The following EPHA6 variants were observed in gnomAD, a reference collection of about 807,000 sequenced individuals.
EPHA6 encodes EPH receptor A6.
A neutral mutation model predicts 112.0 loss-of-function variants in EPHA6; 50 were observed. The observed-to-expected ratio is 0.45, with a 90% confidence interval of 0.36 to 0.56. EPHA6 has a LOEUF of 0.56. EPHA6 is among the 20% of genes least tolerant of loss of function. The pLI, the probability that EPHA6 is intolerant of heterozygous loss-of-function variation, is 0.00. For synonymous variants in EPHA6, 529 were observed against 490.7 expected (o/e 1.08, Z -1.03); for missense variants, 1,280 against 1,417.4 (o/e 0.90, Z 1.56).
chr3:97,187,249 AAT>A (rs2077165345), intron 3 of EPHA6, among the ~76,000 whole-genome samples: 1 of 152,114 alleles, frequency 6.6e-6, no homozygotes, highest in Non-Finnish European at 1.5e-5. Context: ...GAAAAATTAG[AAT>A]AATGTGATGG....
chr3:97,404,185 G>C (rs1435745294), intron 5 of EPHA6, among the ~76,000 whole-genome samples: 1 of 152,122 alleles, frequency 6.6e-6, no homozygotes, highest in Admixed American at 6.5e-5. Context: ...AAAAGCCAAA[G>C]TATAAATAAA....
intron 3 of EPHA6, among the ~76,000 whole-genome samples, chr3:96,988,888 A>G (rs72916495): frequency 0.013 from 1,998 of 152,236 alleles, 47 homozygotes; most frequent in African/African-American, 0.044. Context: ...TATGTAATTC[A>G]TTTTATGAAG....
chr3:97,522,824 G>A (rs539723766), intron 10 of EPHA6, among the ~76,000 whole-genome samples: 135 of 152,098 alleles, frequency 8.9e-4, no homozygotes, highest in African/African-American at 3.0e-3. Flanking sequence ...ATTTATAAGC[G>A]TAAAGTTGTT....
At chr3:97,490,244 T>C (rs1373169371) in intron 10 of EPHA6, among the ~76,000 whole-genome samples, 1 of 152,174 alleles carries the variant, frequency 6.6e-6, no homozygotes, top group Non-Finnish European at 1.5e-5. Context: ...AATTGCATAA[T>C]ATGTGCAAAT....
At chr3:97,053,867 G>A (rs934042737) in intron 3 of EPHA6, among the ~76,000 whole-genome samples, 6 of 151,922 alleles carry the variant, frequency 3.9e-5, no homozygotes, top group Non-Finnish European at 8.8e-5. Context: ...CTCTTTCAAA[G>A]CCCTGTATCT....
At chr3:97,121,064 T>C (rs1259515814) in intron 3 of EPHA6, among the ~76,000 whole-genome samples, 1 of 152,042 alleles carries the variant, frequency 6.6e-6, no homozygotes, top group East Asian at 1.9e-4. Context: ...TCCTTTTCAA[T>C]ATAATTAAAT....
chr3:97,027,604 A>C (rs1389064902), intron 3 of EPHA6, among the ~76,000 whole-genome samples: 2 of 152,174 alleles, frequency 1.3e-5, no homozygotes, highest in African/African-American at 4.8e-5. Context: ...TCTGCTAAGA[A>C]TTGGCATGAA....
intron 3 of EPHA6, among the ~76,000 whole-genome samples, chr3:97,218,592 C>A (rs2078101043): frequency 6.6e-6 from 1 of 152,130 alleles, no homozygotes; most frequent in Admixed American, 6.5e-5. Context: ...CCCCATGATT[C>A]AATTACCTCC....
intron 1 of EPHA6, among the ~76,000 whole-genome samples, chr3:96,826,060 T>G (rs1218164305): frequency 3.3e-5 from 5 of 152,018 alleles, no homozygotes; most frequent in African/African-American, 1.2e-4. Context: ...ATTGTGAAAA[T>G]AAATATTTTT....
At chr3:97,059,251 T>C (rs2045945466) in intron 3 of EPHA6, among the ~76,000 whole-genome samples, 1 of 152,170 alleles carries the variant, frequency 6.6e-6, no homozygotes, top group African/African-American at 2.4e-5. Flanking sequence ...TCTCAAATGA[T>C]TTTTCTTTGT....
chr3:97,137,018 A>G (rs112343095), intron 3 of EPHA6, among the ~76,000 whole-genome samples: 89 of 152,312 alleles, frequency 5.8e-4, no homozygotes, highest in African/African-American at 2.1e-3. Flanking sequence ...AAGAATTTCT[A>G]CATCACCTGA....
intron 3 of EPHA6, among the ~76,000 whole-genome samples, chr3:97,026,121 AT>A (rs3038599): frequency 0.099 from 11,460 of 115,970 alleles, 647 homozygotes; most frequent in East Asian, 0.37. Context: ...TATGTGTCTG[AT>A]TTTTTTTTTT....
At chr3:97,125,734 G>A (rs2048165536) in intron 3 of EPHA6, among the ~76,000 whole-genome samples, 1 of 152,082 alleles carries the variant, frequency 6.6e-6, no homozygotes, top group Non-Finnish European at 1.5e-5. Context: ...TCAGACAATA[G>A]TACTCAAACG....
At position 96,832,617 on chromosome 3, in the gene EPHA6, T is replaced by C. The variant is rs894775908; in HGVS notation, c.385+17609T>C. 2.6e-5 allele frequency among the ~76,000 whole-genome samples: 4 copies of C among 152,068 alleles called. 1 individual carries two copies. Among genetic ancestry groups the C allele is most frequent in the Non-Finnish European group, 5.9e-5 (4 of 67,960 alleles). Reference sequence around the variant, plus strand: ...CATTGGCCTGGTTAAAAGAGAAAACTTGTGCCACACAATATTGTGCCCAAT... The same window carrying C: ...CATTGGCCTGGTTAAAAGAGAAAACCTGTGCCACACAATATTGTGCCCAAT... On this transcript the variant is annotated intron_variant, in intron 1 of 17. Coordinates refer to ENST00000389672, the MANE Select transcript of EPHA6 (RefSeq NM_001080448.3).
At chr3:97,054,197 A>C (rs1342426234) in intron 3 of EPHA6, among the ~76,000 whole-genome samples, 4 of 150,014 alleles carry the variant, frequency 2.7e-5, no homozygotes, top group African/African-American at 4.9e-5. Flanking sequence ...CACACACACA[A>C]CAGATTAAGA....
intron 2 of EPHA6, among the ~76,000 whole-genome samples, chr3:96,917,052 C>T (rs569274826): frequency 5.5e-4 from 84 of 152,186 alleles, no homozygotes; most frequent in Admixed American, 1.5e-3. Flanking sequence ...AATTTTCCTA[C>T]GTCGTATCTT....
intron 5 of EPHA6, among the ~76,000 whole-genome samples, chr3:97,369,136 A>G (rs1025428468): frequency 6.6e-6 from 1 of 152,244 alleles, no homozygotes; most frequent in Non-Finnish European, 1.5e-5. Flanking sequence ...ACAGTGAATG[A>G]TGGAACAAAG....
rs1400468462 is a variant in EPHA6, at chr3:97,280,083, G to A, written c.1606+35796G>A. Among the ~76,000 whole-genome samples the A allele has an allele frequency of 3.3e-5, 5 of 152,194 alleles. No homozygotes were observed. In the East Asian group the frequency reaches 9.7e-4, roughly 29 times the overall value. On this transcript the variant is annotated intron_variant, in intron 5 of 17. Coordinates refer to ENST00000389672, the MANE Select transcript of EPHA6 (RefSeq NM_001080448.3). ...ATATTTTTAGTAGAGACAGAGTTTT[G>A]CCATGTGGCATACTTGTCTCAAACT...
intron 3 of EPHA6, among the ~76,000 whole-genome samples, chr3:96,992,274 T>G (rs952356650): frequency 6.6e-6 from 1 of 152,180 alleles, no homozygotes; most frequent in Non-Finnish European, 1.5e-5. Context: ...TCTTCCAGCC[T>G]CTACTCACAA....
Sources: allele counts gnomAD v4.1 joint callset (sites outside exome capture counted in the v4.1 genomes callset), GRCh38; gene constraint gnomAD v4.1.1; transcripts MANE v1.5; gene names NCBI Gene and HGNC (gene_info 2026-07-23, HGNC 2026-07-21).